Variants in CFAP299 observed in about 807,000 individuals in gnomAD.
CFAP299 encodes the protein cilia- and flagella-associated protein 299.
A neutral mutation model predicts 27.0 loss-of-function variants in CFAP299; 21 were observed. The ratio of observed to expected loss-of-function variants is 0.78; its 90% CI spans 0.55 to 1.12. CFAP299 has a LOEUF of 1.12. Ranked by LOEUF, CFAP299 falls within the 50% of genes most tolerant of loss-of-function variation. CFAP299 has a pLI of 0.00. For missense variants in CFAP299, 310 were observed against 276.6 expected (o/e 1.12, Z -0.86); for synonymous variants, 104 against 98.1 (o/e 1.06, Z -0.36).
chr4:80,649,777 G>T (rs1302928179), intron 3 of CFAP299, among the ~76,000 whole-genome samples: 22 of 151,944 alleles, frequency 1.4e-4, no homozygotes, highest in Admixed American at 1.4e-3. Flanking sequence ...CAAATTGTTT[G>T]TTATTAAAAA....
At chr4:80,438,250 G>A (rs1198984960) in intron 2 of CFAP299, among the ~76,000 whole-genome samples, 3 of 152,052 alleles carry the variant, frequency 2.0e-5, no homozygotes, top group African/African-American at 7.2e-5. Flanking sequence ...TGAAGGAAGT[G>A]AGTAAGTCAT....
chr4:80,615,068 A>C (rs1738202264), intron 3 of CFAP299, among the ~76,000 whole-genome samples: 1 of 152,192 alleles, frequency 6.6e-6, no homozygotes, highest in Non-Finnish European at 1.5e-5. Context: ...TTCATATTTT[A>C]ATGATGTATT....
intron 3 of CFAP299, among the ~76,000 whole-genome samples, chr4:80,621,760 A>G (rs1577943346): frequency 1.3e-5 from 2 of 152,180 alleles, no homozygotes; most frequent in East Asian, 3.8e-4. Context: ...GCATGATTAA[A>G]TGCTTCAAAT....
At chr4:80,377,293 T>C (rs1411869147) in intron 2 of CFAP299, among the ~76,000 whole-genome samples, 1 of 152,170 alleles carries the variant, frequency 6.6e-6, no homozygotes. Context: ...TAAACTAATT[T>C]TGTAAATTTT....
chr4:80,811,293 A>G (rs1729141542), intron 3 of CFAP299, among the ~76,000 whole-genome samples: 2 of 152,192 alleles, frequency 1.3e-5, no homozygotes, highest in Middle Eastern at 3.4e-3. Context: ...TAATCTATTT[A>G]CTCTGTGGTC....
At chr4:80,375,074 C>A (rs1033780196) in intron 2 of CFAP299, among the ~76,000 whole-genome samples, 1 of 151,954 alleles carries the variant, frequency 6.6e-6, no homozygotes, top group Non-Finnish European at 1.5e-5. Context: ...AGCAATGGCC[C>A]GCACCAAGTG....
chr4:80,658,286 G>A (rs1740666846), intron 3 of CFAP299, among the ~76,000 whole-genome samples: 2 of 152,162 alleles, frequency 1.3e-5, no homozygotes, highest in Admixed American at 1.3e-4. Flanking sequence ...GGGGTGGTGA[G>A]AGAGGACATC....
intron 2 of CFAP299, among the ~76,000 whole-genome samples, chr4:80,538,479 A>C (rs930547798): frequency 5.3e-5 from 8 of 151,084 alleles, no homozygotes; most frequent in Non-Finnish European, 1.0e-4. Context: ...CTCACCACTT[A>C]CTCACTCACT....
rs1020919765 is a variant in CFAP299, at chr4:80,669,025, C to A, written c.333+85842C>A. Reference sequence around the variant, plus strand: ...GTTTTGTAGTTCTTCTTGTATGGCTCTTCCAATTCCTTGACTAAATCAGTT... The same window carrying A: ...GTTTTGTAGTTCTTCTTGTATGGCTATTCCAATTCCTTGACTAAATCAGTT... On this transcript the variant is annotated intron_variant, in intron 3 of 5. Coordinates refer to ENST00000358105, the MANE Select transcript of CFAP299 (RefSeq NM_152770.3). 2.0e-5 allele frequency among the ~76,000 whole-genome samples: 3 copies of A among 151,094 alleles called. 1 individual carries two copies. The highest frequency in any genetic ancestry group is 4.4e-5 in the Non-Finnish European group (3 of 67,880).
intron 2 of CFAP299, chr4:80,386,651 G>A: frequency 1.3e-6 from 2 of 1,592,730 alleles, no homozygotes; most frequent in South Asian, 1.1e-5. Context: ...GCCCGTGTGG[G>A]CGCGCAGGTG....
At chr4:80,528,685 G>A (rs1029074753) in intron 2 of CFAP299, among the ~76,000 whole-genome samples, 5 of 152,048 alleles carry the variant, frequency 3.3e-5, no homozygotes, top group Non-Finnish European at 7.4e-5. Flanking sequence ...AAGAGACAAG[G>A]ATCATTTCTG....
rs1578272481 is a variant in CFAP299 at position 80,963,592 on chromosome 4, A to G, written c.682A>G (p.Ile228Val). The change falls in exon 6 of 6, where the codon ATT becomes GTT. Residue 228 changes from isoleucine to valine, a missense_variant. Physicochemically the swap from Ile to Val is conservative, Grantham distance 29. Transcript: ENST00000358105. ...CGTACAAGCTGTCATTTTTGACCACATTTCCAGAAGGAAGACTTAAGTACC... is the reference window on the plus strand; with the variant it reads ...CGTACAAGCTGTCATTTTTGACCACGTTTCCAGAAGGAAGACTTAAGTACC... ...LYVQAVIFDH[I>V]SRRKT 1.2e-6 allele frequency: 2 copies of G among 1,603,818 alleles called. No homozygotes were observed. The highest frequency in any genetic ancestry group is 1.7e-6 in the Non-Finnish European group (2 of 1,173,342).
chr4:80,944,174 A>G lies in CFAP299; in HGVS notation c.477-636A>G, dbSNP rs183631825. 4.1e-3 allele frequency among the ~76,000 whole-genome samples: 618 copies of G among 152,298 alleles called. 1 individual carries two copies. The highest frequency in any genetic ancestry group is 0.014 in the Middle Eastern group (4 of 294). On this transcript the variant is annotated intron_variant, in intron 4 of 5. Transcript: ENST00000358105. Reference sequence around the variant, plus strand: ...TATGCTTTGAAACATACAAATTTGGATTGAAATATTAGCCCTGTGGCATAT... The same window carrying G: ...TATGCTTTGAAACATACAAATTTGGGTTGAAATATTAGCCCTGTGGCATAT...
At chr4:80,403,533 T>C (rs1446222212) in intron 2 of CFAP299, among the ~76,000 whole-genome samples, 2 of 152,176 alleles carry the variant, frequency 1.3e-5, no homozygotes, top group Non-Finnish European at 2.9e-5. Flanking sequence ...TGCTATTCTT[T>C]CTGCTTGAAA....
chr4:80,463,778 A>G (rs186145553), intron 2 of CFAP299, among the ~76,000 whole-genome samples: 4 of 152,202 alleles, frequency 2.6e-5, no homozygotes, highest in Admixed American at 2.0e-4. Flanking sequence ...GCTTCAACCT[A>G]TGAATTTTGG....
At chr4:80,894,679 C>G (rs752261922) in intron 4 of CFAP299, among the ~76,000 whole-genome samples, 1 of 151,830 alleles carries the variant, frequency 6.6e-6, no homozygotes, top group Non-Finnish European at 1.5e-5. Context: ...TCCAACAATT[C>G]GACTTCTGCA....
chr4:80,577,397 A>ATT (rs34922224), intron 2 of CFAP299, among the ~76,000 whole-genome samples: 51,365 of 98,406 alleles, frequency 0.52, 15,615 homozygotes, highest in East Asian at 0.71. Flanking sequence ...ATTAGAAAAC[A>ATT]TTTTTTTTTT....
chr4:80,820,972 T>C (rs1228964818), intron 3 of CFAP299, among the ~76,000 whole-genome samples: 2 of 152,214 alleles, frequency 1.3e-5, no homozygotes, highest in East Asian at 1.9e-4. Flanking sequence ...CCAATAATCC[T>C]GAACCACTGT....
In CFAP299 at chr4:80,901,711, C is replaced by T. The variant is rs1451840032; in HGVS notation, c.476+31576C>T. On this transcript the variant is annotated intron_variant, in intron 4 of 5. Transcript: ENST00000358105. ...TCATTATTGATGCTTTATCCTTTGG[C>T]CCCAATCACTGCCAGCAATTGGTTC... 2.6e-5 allele frequency among the ~76,000 whole-genome samples: 4 copies of T among 152,186 alleles called. No individual in the cohort carries two copies. The East Asian group carries it at 7.7e-4, about 29-fold the overall frequency.
Sources: gnomAD v4.1 joint callset for allele counts (sites outside exome capture counted in the v4.1 genomes callset) on GRCh38, gnomAD v4.1.1 for gene constraint, MANE v1.5 for transcripts, NCBI Gene and HGNC (gene_info 2026-07-23, HGNC 2026-07-21) for gene names.